CATSPERE: variants seen among roughly 807,000 people sequenced by gnomAD.
CATSPERE encodes catsper channel auxiliary subunit epsilon, also known as cation channel sperm-associated auxiliary subunit epsilon.
CATSPERE carries 93 observed loss-of-function variants against 114.1 expected under a neutral mutation model. That is an observed-to-expected ratio of 0.81 (90% confidence interval 0.69 to 0.97). The LOEUF (loss-of-function observed/expected upper bound fraction) is 0.97, where lower values mean the gene tolerates loss of function less well. Among genes scored for constraint, CATSPERE ranks in the 50% least tolerant of loss-of-function variants. CATSPERE has a pLI of 0.00. For missense variants in CATSPERE, 1,058 were observed against 1,131.6 expected, an observed-to-expected ratio of 0.93 and a Z score of 0.93; for synonymous variants, 341 against 384.1, an observed-to-expected ratio of 0.89 and a Z score of 1.31.
intron 5 of CATSPERE, 103 bp from the exon 6 acceptor site, chr1:244,490,344 G>C (rs964985733): frequency 8.5e-6 from 6 of 704,558 alleles, no homozygotes; most frequent in African/African-American, 7.4e-5. Context: ...GAAATATAAA[G>C]AGAATATGCA....
intron 20 of CATSPERE, among the ~76,000 whole-genome samples, chr1:244,621,314 A>T (rs55962628): frequency 2.8e-5 from 2 of 70,480 alleles, no homozygotes; most frequent in African/African-American, 8.0e-5. Context: ...TAAATATATA[A>T]AATATATATA....
At chr1:244,578,823 C>CATATATATATATATATATATATAT (rs10695652) in intron 11 of CATSPERE, among the ~76,000 whole-genome samples, 1 of 133,018 alleles carries the variant, frequency 7.5e-6, no homozygotes, top group Admixed American at 7.6e-5. Context: ...GGTGCATATA[C>CATATATATATATATATATATATAT]ATATATATAT....
chr1:244,629,033 T>TG (rs1164249738), intron 20 of CATSPERE, among the ~76,000 whole-genome samples: 2 of 152,212 alleles, frequency 1.3e-5, no homozygotes, highest in African/African-American at 4.8e-5. Context: ...ACTTGGTGTT[T>TG]GGGGGTCAGA....
chr1:244,483,911 T>C (rs889741804), intron 5 of CATSPERE, among the ~76,000 whole-genome samples: 2 of 152,184 alleles, frequency 1.3e-5, no homozygotes, highest in African/African-American at 4.8e-5. Flanking sequence ...TTCTCCTATA[T>C]TGTTTTCTAA....
At chr1:244,606,633 G>A (rs1313714934) in intron 18 of CATSPERE, among the ~76,000 whole-genome samples, 2 of 127,908 alleles carry the variant, frequency 1.6e-5, no homozygotes, top group Non-Finnish European at 3.2e-5. Context: ...TAAGAGTCTC[G>A]CTCTGTTGCC....
intron 17 of CATSPERE, among the ~76,000 whole-genome samples, chr1:244,597,534 CTT>C (rs34454607): frequency 7.8e-6 from 1 of 128,210 alleles, no homozygotes; most frequent in Non-Finnish European, 1.6e-5. Flanking sequence ...TCCCTGATTT[CTT>C]TTTTTTTTTT....
chr1:244,534,351 C>G (rs778493309), intron 8 of CATSPERE, among the ~76,000 whole-genome samples: 3 of 152,126 alleles, frequency 2.0e-5, no homozygotes, highest in Non-Finnish European at 2.9e-5. Context: ...AATAACCTTT[C>G]TACCCCTATC....
chr1:244,583,161 T>C (rs1215892054), intron 12 of CATSPERE, among the ~76,000 whole-genome samples: 1 of 152,192 alleles, frequency 6.6e-6, no homozygotes, highest in Non-Finnish European at 1.5e-5. Context: ...TACATTGCTA[T>C]AGAATACACG....
chr1:244,593,380 A>T lies in CATSPERE; in HGVS notation c.2190-15A>T. On this transcript the variant is annotated splice_polypyrimidine_tract_variant and intron_variant, in intron 15 of 21. Transcript: ENST00000366534. ...AAAGAGGAAAGAGAAATAATGAGGA[A>T]TGTCTTTTTCACAGGTCATATCTGA... is the stretch of plus-strand genomic sequence containing the variant. 4 of 1,611,336 alleles carry T rather than the reference A, an allele frequency of 2.5e-6. No homozygotes were observed. The highest frequency in any genetic ancestry group is 2.5e-6 in the Non-Finnish European group (3 of 1,179,578).
intron 7 of CATSPERE, among the ~76,000 whole-genome samples, chr1:244,507,856 C>G (rs1675055527): frequency 6.6e-6 from 1 of 152,092 alleles, no homozygotes; most frequent in African/African-American, 2.4e-5. Context: ...CAATACCATG[C>G]TGTTTTGTTT....
At chr1:244,565,950 C>A (rs925798517) in intron 10 of CATSPERE, among the ~76,000 whole-genome samples, 3 of 152,150 alleles carry the variant, frequency 2.0e-5, no homozygotes, top group Non-Finnish European at 4.4e-5. Flanking sequence ...TTAGACCTTT[C>A]CTGCTTTCTC....
intron 9 of CATSPERE, 129 bp downstream of exon 9, chr1:244,552,943 G>A: frequency 2.6e-6 from 1 of 384,640 alleles, no homozygotes; most frequent in Admixed American, 4.9e-5. Context: ...ATCTAAGGCT[G>A]TAAACAGCTC....
At position 244,461,422 on chromosome 1, in the gene CATSPERE, C is replaced by A; in HGVS notation, c.-8C>A. On this transcript the variant is annotated 5_prime_UTR_variant, in exon 1 of 22. Coordinates refer to ENST00000366534, the MANE Select transcript of CATSPERE (RefSeq NM_001130957.2). ...CCGAGGCGGTTGGGCGGAGGCGGAG[C>A]AGGCGCCATGTCAGCCCGGGAAGTG... 1 of 1,372,832 alleles carries A rather than the reference C, an allele frequency of 7.3e-7. No individual in the cohort carries two copies. The highest frequency in any genetic ancestry group is 9.5e-7 in the Non-Finnish European group (1 of 1,053,002). 85.0% of individuals were successfully genotyped at this position (1,372,832 alleles called of 1,614,324 possible).
chr1:244,452,006 G>A (rs2148025173), upstream of CATSPERE: 2 of 555,050 alleles, frequency 3.6e-6, no homozygotes, highest in South Asian at 3.0e-5. Flanking sequence ...CGCTCAAGGG[G>A]GTACCATGAC....
rs1174350756 is a variant in CATSPERE at position 244,508,987 on chromosome 1, A to C, written c.430-9605A>C. On this transcript the variant is annotated intron_variant, in intron 7 of 21. Coordinates refer to ENST00000366534, the MANE Select transcript of CATSPERE (RefSeq NM_001130957.2). ...AGATTCTGTGCCCCTTCCCCCACCA[A>C]AAAAAAAAAAAATTGTGTCATTGTG... is the stretch of plus-strand genomic sequence containing the variant. 7.2e-5 allele frequency among the ~76,000 whole-genome samples: 5 copies of C among 69,904 alleles called. No individual in the cohort carries two copies. In the East Asian group the frequency reaches 1.4e-3, roughly 20 times the overall value. The allele number at this position is 69,904 out of a possible 152,430, so 45.9% of individuals were successfully genotyped here.
chr1:244,482,611 T>A (rs1670438458), intron 5 of CATSPERE, among the ~76,000 whole-genome samples: 1 of 151,406 alleles, frequency 6.6e-6, no homozygotes, highest in Admixed American at 6.6e-5. Flanking sequence ...CTAGAAAAAA[T>A]AAAAATAAAA....
chr1:244,487,214 G>A (rs544759218), intron 5 of CATSPERE, among the ~76,000 whole-genome samples: 8 of 151,658 alleles, frequency 5.3e-5, no homozygotes, highest in African/African-American at 1.7e-4. Context: ...TGTGGGCCAG[G>A]TGCAGACCCT....
chr1:244,489,320 C>G (rs868402594), intron 5 of CATSPERE, among the ~76,000 whole-genome samples: 19 of 151,872 alleles, frequency 1.3e-4, no homozygotes, highest in African/African-American at 4.1e-4. Context: ...AGACAAATTT[C>G]TGTTTGACAT....
intron 7 of CATSPERE, among the ~76,000 whole-genome samples, chr1:244,506,610 A>G (rs1674856807): frequency 6.6e-6 from 1 of 152,120 alleles, no homozygotes; most frequent in African/African-American, 2.4e-5. Flanking sequence ...TTGAGTAACA[A>G]GATTTTTGAT....
Sources: gnomAD v4.1 joint callset for allele counts (sites outside exome capture counted in the v4.1 genomes callset) on GRCh38, gnomAD v4.1.1 for gene constraint, MANE v1.5 for transcripts, NCBI Gene and HGNC (gene_info 2026-07-23, HGNC 2026-07-21) for gene names.